The following ZBTB6 variants were observed in gnomAD, a reference collection of about 807,000 sequenced individuals.
The protein encoded by ZBTB6 is zinc finger and BTB domain containing 6.
In ZBTB6, 11 loss-of-function variants were observed where a neutral mutation model predicts 30.6. The observed-to-expected ratio is 0.36, with a 90% CI of 0.23 to 0.60. The LOEUF (loss-of-function observed/expected upper bound fraction) is 0.60, where lower values mean the gene tolerates loss of function less well. ZBTB6 is among the 20% of genes least tolerant of loss of function. ZBTB6 has a pLI of 0.75. For synonymous variants in ZBTB6, 174 were observed against 172.0 expected (o/e 1.01, Z -0.09); for missense variants, 380 against 489.4 (o/e 0.78, Z 2.11).
At position 122,910,843 on chromosome 9, in the gene ZBTB6, A is replaced by G. The variant is rs754910300; in HGVS notation, c.1230T>C (p.Gly410=). 5 of 1,613,982 alleles carry G rather than the reference A, an allele frequency of 3.1e-6. No homozygotes were observed. Among genetic ancestry groups the G allele is most frequent in the African/African-American group, 1.3e-5 (1 of 74,926 alleles). Residue 410 remains glycine (G), a synonymous_variant, in exon 2 of 2, where the codon GGT becomes GGC. Coordinates refer to ENST00000373659, the MANE Select transcript of ZBTB6 (RefSeq NM_006626.6). ...HLTSVHGRSS[G]EKLSRPDLKR... ...TGAGATCAGGCCTAGATAGTTTTTC[A>G]CCACTGCTTCTGCCATGGACAGAGG...
chr9:122,908,247 A>G lies in ZBTB6; in HGVS notation c.*2551T>C, dbSNP rs988976456. ...TTTTTCTGTCATATCAGAAACATAA[A>G]CTAAATGTGAATATGTTAAATGAAT... On this transcript the variant is annotated 3_prime_UTR_variant, in exon 2 of 2. Coordinates refer to ENST00000373659, the MANE Select transcript of ZBTB6 (RefSeq NM_006626.6). 5.3e-5 allele frequency: 8 copies of G among 152,346 alleles called. No individual in the cohort carries two copies. The highest frequency in any genetic ancestry group is 5.2e-4 in the Admixed American group (8 of 15,296). 9.4% of individuals were successfully genotyped at this position (152,346 alleles called of 1,614,324 possible). A position where few individuals can be genotyped will look rare whatever the true frequency, so the allele number is the denominator to read the frequency against.
rs1209139965 is a variant in ZBTB6 at position 122,908,790 on chromosome 9, T to C, written c.*2008A>G. ...AAAAATTAGCAATGAGCTATCACAC[T>C]TTCCAGTGGAAAAAGATCCACTAAT... is the stretch of plus-strand genomic sequence containing the variant. On this transcript the variant is annotated 3_prime_UTR_variant, in exon 2 of 2. Transcript: ENST00000373659. The C allele has an allele frequency of 6.6e-6, 1 of 152,182 alleles. No individual in the cohort carries two copies. The highest frequency in any genetic ancestry group is 2.4e-5 in the African/African-American group (1 of 41,450). 9.4% of individuals were successfully genotyped at this position (152,182 alleles called of 1,614,324 possible).
At position 122,908,998 on chromosome 9, in the gene ZBTB6, A is replaced by G. The variant is rs1330751304; in HGVS notation, c.*1800T>C. 6.6e-6 allele frequency: 1 copy of G among 152,252 alleles called. No individual in the cohort carries two copies. The highest frequency in any genetic ancestry group is 1.5e-5 in the Non-Finnish European group (1 of 68,048). The allele number at this position is 152,252 out of a possible 1,614,324, so 9.4% of individuals were successfully genotyped here. ...AAAGTTATTTTACATATAAAGTTAA[A>G]AAGTTCAAGGAGAAATTCAGCACAA... On this transcript the variant is annotated 3_prime_UTR_variant, in exon 2 of 2. Transcript: ENST00000373659.
rs1832920966 is a variant in ZBTB6, at chr9:122,908,214, A to T, written c.*2584T>A. On this transcript the variant is annotated 3_prime_UTR_variant, in exon 2 of 2. Coordinates refer to ENST00000373659, the MANE Select transcript of ZBTB6 (RefSeq NM_006626.6). ...GTAAATGAAGAGGCTGAACTCAAAC[A>T]CTTTTCATTTTTCTGTCATATCAGA... 6.6e-6 allele frequency: 1 copy of T among 152,198 alleles called. No individual in the cohort carries two copies. Among genetic ancestry groups the T allele is most frequent in the South Asian group, 2.1e-4 (1 of 4,834 alleles). 9.4% of individuals were successfully genotyped at this position (152,198 alleles called of 1,614,324 possible). A position where few individuals can be genotyped will look rare whatever the true frequency, so the allele number is the denominator to read the frequency against.
chr9:122,909,347 C>T lies in ZBTB6; in HGVS notation c.*1451G>A, dbSNP rs917888644. On this transcript the variant is annotated 3_prime_UTR_variant, in exon 2 of 2. Coordinates refer to ENST00000373659, the MANE Select transcript of ZBTB6 (RefSeq NM_006626.6). ...AGATGCATCTAGTCAGTCTTCTTTA[C>T]GAAAAGCAGTTCCTGTGTTTTAGAG... 2 of 152,128 alleles carry T rather than the reference C, an allele frequency of 1.3e-5. No homozygotes were observed. Among genetic ancestry groups the T allele is most frequent in the East Asian group, 1.9e-4 (1 of 5,206 alleles). 9.4% of individuals were successfully genotyped at this position (152,128 alleles called of 1,614,324 possible). A position where few individuals can be genotyped will look rare whatever the true frequency, so the allele number is the denominator to read the frequency against.
intron 1 of ZBTB6, 126 bp downstream of exon 1, chr9:122,913,125 G>T: frequency 2.5e-6 from 1 of 394,908 alleles, no homozygotes; most frequent in Non-Finnish European, 3.4e-6. Context: ...AAGGGCCAAG[G>T]CCCTGTCGGC....
At chr9:122,913,139 G>C (rs1249767820) in intron 1 of ZBTB6, 112 bp downstream of exon 1, 1 of 535,384 alleles carries the variant, frequency 1.9e-6, no homozygotes, top group African/African-American at 2.1e-5. Flanking sequence ...TGTCGGCCCA[G>C]TGGTTGCAGC....
chr9:122,911,300 G>C lies in ZBTB6; in HGVS notation c.773C>G (p.Ser258Cys). The C allele has an allele frequency of 6.2e-7, 1 of 1,614,084 alleles. No homozygotes were observed. The highest frequency in any genetic ancestry group is 8.5e-7 in the Non-Finnish European group (1 of 1,180,020). ...TTCAGCCACTCTGCTCTCAACTGTA[G>C]AATTGATCAATGAATGCTGTGTTTC... ...FSETQHSLIN[S>C]TVESRVAEVP... Residue 258 changes from serine to cysteine, a missense_variant, in exon 2 of 2, where the codon TCT becomes TGT. Ser to Cys is a moderately radical substitution (Grantham distance 112). Coordinates refer to ENST00000373659, the MANE Select transcript of ZBTB6 (RefSeq NM_006626.6). The surrounding 1 kb of genome is among the most constrained non-coding windows in gnomAD (Gnocchi z 4.5).
In ZBTB6 at chr9:122,910,953, T is replaced by TC; in HGVS notation, c.1119dup (p.Asn374GlufsTer15). 6.2e-7 allele frequency: 1 copy of TC among 1,614,180 alleles called. No homozygotes were observed. The highest frequency in any genetic ancestry group is 8.5e-7 in the Non-Finnish European group (1 of 1,180,028). ...TATGGCCGATCCCCACTGTGTATGT[T>TC]CAAGTGGTCCTGAAGTGTGCTTTTG... is the stretch of plus-strand genomic sequence containing the variant. On this transcript the variant is annotated frameshift_variant, in exon 2 of 2. Transcript: ENST00000373659. LOFTEE classifies it high-confidence loss of function.
Position 122,911,535 on chromosome 9 carries a change from C to G in ZBTB6, c.538G>C (p.Glu180Gln). The G allele has an allele frequency of 6.2e-7, 1 of 1,613,980 alleles. No individual in the cohort carries two copies. The highest frequency in any genetic ancestry group is 1.7e-5 in the Admixed American group (1 of 59,998). ...SPVNIDFHVK[E>Q]EESNALQSTV... ...GACTGCAAAGCATTGCTTTCCTCTTCTTTAACATGGAAATCTATGTTTACA... is the reference window on the plus strand; with the variant it reads ...GACTGCAAAGCATTGCTTTCCTCTTGTTTAACATGGAAATCTATGTTTACA... The change falls in exon 2 of 2, where the codon GAA becomes CAA. Residue 180 changes from glutamate to glutamine, a missense_variant. Coordinates refer to ENST00000373659, the MANE Select transcript of ZBTB6 (RefSeq NM_006626.6). This position sits in a 1 kb window ranked among gnomAD's most constrained non-coding sequence, Gnocchi z 4.5.
Position 122,911,238 on chromosome 9 carries a change from T to G in ZBTB6, c.835A>C (p.Asn279His). Residue 279 changes from asparagine to histidine, a missense_variant, in exon 2 of 2, where the codon AAT (asparagine) becomes CAT (histidine). By Grantham distance (68) the Asn-to-His change is moderately conservative. Coordinates refer to ENST00000373659, the MANE Select transcript of ZBTB6 (RefSeq NM_006626.6). This position sits in a 1 kb window ranked among gnomAD's most constrained non-coding sequence, Gnocchi z 4.5. ...ACTGTACCATAACTTCCTTCAGTAT[T>G]CTCACAAAATAAGCCCTGATCTTGA... is the stretch of plus-strand genomic sequence containing the variant. ...GNQDQGLFCE[N>H]TEGSYGTVSE... The G allele has an allele frequency of 6.2e-7, 1 of 1,614,194 alleles. No individual in the cohort carries two copies. The highest frequency in any genetic ancestry group is 8.5e-7 in the Non-Finnish European group (1 of 1,180,038).
intron 1 of ZBTB6, among the ~76,000 whole-genome samples, chr9:122,912,686 G>C (rs1832965146): frequency 6.6e-6 from 1 of 151,694 alleles, no homozygotes; most frequent in African/African-American, 2.4e-5. Flanking sequence ...TCTACCTCCG[G>C]GACAGTCCAG....
Position 122,911,563 on chromosome 9 carries a change from A to T in ZBTB6, c.510T>A (p.Ser170Arg), listed in dbSNP as rs762786793. 1 of 1,613,758 alleles carries T rather than the reference A, an allele frequency of 6.2e-7. No homozygotes were observed. Among genetic ancestry groups the T allele is most frequent in the African/African-American group, 1.3e-5 (1 of 74,916 alleles). ...TAACATGGAAATCTATGTTTACAGG[A>T]CTATCTTCTGAAATTTCAATTATCT... ...DCEIIEISED[S>R]PVNIDFHVKE... is the part of the protein sequence containing the mutation. The change falls in exon 2 of 2, where the codon AGT becomes AGA. Residue 170 changes from serine to arginine, a missense_variant. Coordinates refer to ENST00000373659, the MANE Select transcript of ZBTB6 (RefSeq NM_006626.6). This position sits in a 1 kb window ranked among gnomAD's most constrained non-coding sequence, Gnocchi z 4.5.
chr9:122,912,519 G>C (rs1832963145), intron 1 of ZBTB6, among the ~76,000 whole-genome samples: 1 of 151,978 alleles, frequency 6.6e-6, no homozygotes, highest in South Asian at 2.1e-4. Context: ...CCTCCTTCCG[G>C]TTCACCTGGA....
chr9:122,912,598 G>A (rs1165450053), intron 1 of ZBTB6, among the ~76,000 whole-genome samples: 1 of 152,086 alleles, frequency 6.6e-6, no homozygotes, highest in African/African-American at 2.4e-5. Context: ...ACCCGCCTGA[G>A]TGCCACCAGG....
chr9:122,910,834 T>C lies in ZBTB6; in HGVS notation c.1239A>G (p.Leu413=), dbSNP rs766538759. The part of the protein sequence containing the change: ...SVHGRSSGEK[L]SRPDLKRQSL... ...TTTGCCTTTTGAGATCAGGCCTAGA[T>C]AGTTTTTCACCACTGCTTCTGCCAT... is the stretch of plus-strand genomic sequence containing the variant. Residue 413 remains leucine, a synonymous_variant, in exon 2 of 2, where the codon CTA becomes CTG. Coordinates refer to ENST00000373659, the MANE Select transcript of ZBTB6 (RefSeq NM_006626.6). 6.2e-7 allele frequency: 1 copy of C among 1,614,114 alleles called. No individual in the cohort carries two copies. The highest frequency in any genetic ancestry group is 8.5e-7 in the Non-Finnish European group (1 of 1,179,942).
chr9:122,908,180 G>A lies in ZBTB6; in HGVS notation c.*2618C>T, dbSNP rs538811214. 1 of 152,276 alleles carries A rather than the reference G, an allele frequency of 6.6e-6. No homozygotes were observed. The highest frequency in any genetic ancestry group is 1.9e-4 in the East Asian group (1 of 5,176). The allele number at this position is 152,276 out of a possible 1,614,324, so 9.4% of individuals were successfully genotyped here. On this transcript the variant is annotated 3_prime_UTR_variant, in exon 2 of 2. Coordinates refer to ENST00000373659, the MANE Select transcript of ZBTB6 (RefSeq NM_006626.6). ...ACTACCTTTTCAAGATCTTTTATAT[G>A]TAAATGGAGTAAATGAAGAGGCTGA...
At chr9:122,912,575 T>G (rs1292083980) in intron 1 of ZBTB6, among the ~76,000 whole-genome samples, 6 of 152,198 alleles carry the variant, frequency 3.9e-5, no homozygotes, top group African/African-American at 1.4e-4. Context: ...CACACTCTTC[T>G]GTATGCCAGA....
Position 122,908,350 on chromosome 9 carries a change from C to G in ZBTB6, c.*2448G>C, listed in dbSNP as rs1056967231. On this transcript the variant is annotated 3_prime_UTR_variant, in exon 2 of 2. Coordinates refer to ENST00000373659, the MANE Select transcript of ZBTB6 (RefSeq NM_006626.6). Reference sequence around the variant, plus strand: ...AAAATTTTTAGACATATCATGCAAACAGACACTCTCCTAGGAATGTTTGGA... The same window carrying G: ...AAAATTTTTAGACATATCATGCAAAGAGACACTCTCCTAGGAATGTTTGGA... 1.6e-4 allele frequency: 24 copies of G among 152,464 alleles called. No homozygotes were observed. The highest frequency in any genetic ancestry group is 5.3e-4 in the African/African-American group (22 of 41,414). 9.4% of individuals were successfully genotyped at this position (152,464 alleles called of 1,614,324 possible).
Sources: gnomAD v4.1 joint callset for allele counts (sites outside exome capture counted in the v4.1 genomes callset) on GRCh38, gnomAD v4.1.1 for gene constraint, Gnocchi (gnomAD v3.1) non-coding constraint, MANE v1.5 for transcripts, NCBI Gene and HGNC (gene_info 2026-07-23, HGNC 2026-07-21) for gene names.